ATF2: variants seen among roughly 807,000 people sequenced by gnomAD.
ATF2 encodes activating transcription factor 2, also known as cyclic AMP-dependent transcription factor ATF-2.
ATF2 carries 24 observed loss-of-function variants against 60.6 expected under a neutral mutation model. The ratio of observed to expected loss-of-function variants is 0.40; its 90% CI spans 0.29 to 0.56. ATF2 has a LOEUF of 0.56. Ranked by LOEUF, ATF2 falls within the 20% of genes least tolerant of loss-of-function variation. The pLI, the probability that ATF2 is intolerant of heterozygous loss-of-function variation, is 0.54. For missense variants in ATF2, 433 were observed against 607.7 expected (o/e 0.71, Z 3.02); for synonymous variants, 206 against 215.4 (o/e 0.96, Z 0.38).
chr2:175,163,751 C>A (rs1184995565), intron 1 of ATF2, among the ~76,000 whole-genome samples: 1 of 150,804 alleles, frequency 6.6e-6, no homozygotes, highest in Non-Finnish European at 1.5e-5. Flanking sequence ...GGTGAAACCC[C>A]GTTTCTATTA....
At chr2:175,099,967 A>G (rs1695200406) in intron 10 of ATF2, among the ~76,000 whole-genome samples, 1 of 152,254 alleles carries the variant, frequency 6.6e-6, no homozygotes. Flanking sequence ...CTGTTACTGC[A>G]ACTGCTAAGC....
At position 175,098,523 on chromosome 2, in the gene ATF2, G is replaced by A. The variant is rs1392284341; in HGVS notation, c.829-930C>T. ...TCTTTGAGGGGATGGAGGCTAATAA[G>A]AGAGTGAGAGCGAGTGCAACTGAGA... is the stretch of plus-strand genomic sequence containing the variant. On this transcript the variant is annotated intron_variant, in intron 10 of 13. Transcript: ENST00000264110. Among the ~76,000 whole-genome samples the A allele has an allele frequency of 3.3e-5, 5 of 152,166 alleles. No homozygotes were observed. In the East Asian group the frequency reaches 5.8e-4, roughly 18 times the overall value.
chr2:175,162,806 T>C (rs777146742), intron 1 of ATF2, among the ~76,000 whole-genome samples: 4 of 151,902 alleles, frequency 2.6e-5, no homozygotes, highest in Admixed American at 2.0e-4. Context: ...GCAAAACAAG[T>C]TGATATATAA....
intron 5 of ATF2, among the ~76,000 whole-genome samples, chr2:175,119,588 A>T (rs1407244711): frequency 6.6e-6 from 1 of 151,594 alleles, no homozygotes; most frequent in Non-Finnish European, 1.5e-5. Flanking sequence ...ACTGTTAGTA[A>T]TATCAGAATT....
intron 2 of ATF2, among the ~76,000 whole-genome samples, chr2:175,148,692 C>T (rs1053830160): frequency 3.4e-4 from 51 of 152,152 alleles, no homozygotes; most frequent in African/African-American, 1.2e-3. Context: ...GAAACATTTA[C>T]AGTCTATTCT....
chr2:175,149,574 G>A (rs1006156473), intron 2 of ATF2, among the ~76,000 whole-genome samples: 1 of 151,956 alleles, frequency 6.6e-6, no homozygotes, highest in Admixed American at 6.6e-5. Context: ...ACAAAACAAA[G>A]AAAACTGGCA....
At chr2:175,127,683 C>T (rs544583767) in intron 4 of ATF2, among the ~76,000 whole-genome samples, 11 of 152,302 alleles carry the variant, frequency 7.2e-5, no homozygotes, top group African/African-American at 2.6e-4. Context: ...CATACACATT[C>T]CCTCCCTAGA....
At chr2:175,084,949 T>C (rs1260977130) in intron 12 of ATF2, among the ~76,000 whole-genome samples, 1 of 152,102 alleles carries the variant, frequency 6.6e-6, no homozygotes, top group Non-Finnish European at 1.5e-5. Context: ...GTAAAAAATA[T>C]CAAAGAAGGT....
At chr2:175,150,140 C>T (rs574100543) in intron 2 of ATF2, among the ~76,000 whole-genome samples, 26 of 152,194 alleles carry the variant, frequency 1.7e-4, no homozygotes, top group African/African-American at 6.3e-4. Flanking sequence ...AGTGTTATCA[C>T]CCATTCTGCT....
chr2:175,081,701 T>C (rs1461352888), intron 12 of ATF2, among the ~76,000 whole-genome samples: 13 of 152,204 alleles, frequency 8.5e-5, no homozygotes. Context: ...CAGGTGTACA[T>C]AAAAGCTGAG....
chr2:175,132,544 T>C (rs1697808465), intron 3 of ATF2, among the ~76,000 whole-genome samples: 3 of 152,220 alleles, frequency 2.0e-5, no homozygotes, highest in Admixed American at 6.5e-5. Flanking sequence ...TATTTTAAGA[T>C]GTTTACAATC....
chr2:175,126,526 C>T (rs1697348045), intron 4 of ATF2, among the ~76,000 whole-genome samples: 1 of 152,168 alleles, frequency 6.6e-6, no homozygotes, highest in Non-Finnish European at 1.5e-5. Flanking sequence ...AAATAATTCC[C>T]TAACTTCTTA....
chr2:175,109,974 T>C (rs1230745825), intron 10 of ATF2, among the ~76,000 whole-genome samples: 1 of 152,224 alleles, frequency 6.6e-6, no homozygotes, highest in Admixed American at 6.5e-5. Flanking sequence ...ATATGTAAGT[T>C]TTATTGCTAA....
intron 2 of ATF2, among the ~76,000 whole-genome samples, chr2:175,142,095 G>C (rs534676087): frequency 1.3e-5 from 2 of 151,932 alleles, no homozygotes; most frequent in East Asian, 3.9e-4. Context: ...GACATAAGAG[G>C]ATCCTATGAA....
intron 11 of ATF2, among the ~76,000 whole-genome samples, chr2:175,095,345 G>A (rs1224717498): frequency 6.6e-6 from 1 of 152,176 alleles, no homozygotes; most frequent in Non-Finnish European, 1.5e-5. Flanking sequence ...ACCCGCCTCA[G>A]GCTCCCAAAG....
chr2:175,117,459 G>A (rs886824087), intron 7 of ATF2, among the ~76,000 whole-genome samples: 1 of 151,906 alleles, frequency 6.6e-6, no homozygotes, highest in Non-Finnish European at 1.5e-5. Flanking sequence ...ATGTGCTTGT[G>A]AACAAAAGAG....
At chr2:175,125,011 T>C (rs1028676122) in intron 4 of ATF2, among the ~76,000 whole-genome samples, 2 of 152,068 alleles carry the variant, frequency 1.3e-5, no homozygotes, top group African/African-American at 4.8e-5. Flanking sequence ...TTAAAAACTC[T>C]TTGTAATCAT....
intron 4 of ATF2, 96 bp downstream of exon 4, chr2:175,130,042 T>C: frequency 1.0e-6 from 1 of 966,650 alleles, no homozygotes; most frequent in Non-Finnish European, 1.5e-6. Context: ...TTTTACAGAA[T>C]ACTGTAAGAA....
At chr2:175,091,246 A>G (rs1211971766) in intron 12 of ATF2, among the ~76,000 whole-genome samples, 1 of 152,194 alleles carries the variant, frequency 6.6e-6, no homozygotes, top group Non-Finnish European at 1.5e-5. Flanking sequence ...TTTATGTAAC[A>G]ATACAGAGAA....
Sources: allele counts gnomAD v4.1 joint callset (sites outside exome capture counted in the v4.1 genomes callset), GRCh38; gene constraint gnomAD v4.1.1; transcripts MANE v1.5; gene names NCBI Gene and HGNC (gene_info 2026-07-23, HGNC 2026-07-21).